Variants in ZBTB11 observed in about 807,000 individuals in gnomAD.
ZBTB11 encodes the protein zinc finger and BTB domain-containing protein 11.
A neutral mutation model predicts 113.1 loss-of-function variants in ZBTB11; 68 were observed. The observed-to-expected ratio is 0.60, with a 90% CI of 0.49 to 0.74. The LOEUF (loss-of-function observed/expected upper bound fraction) is 0.74, where lower values mean the gene tolerates loss of function less well. Ranked by LOEUF, ZBTB11 falls within the 30% of genes least tolerant of loss-of-function variation. The probability of loss-of-function intolerance (pLI) is 0.00; values close to 1 mark genes in which losing one functional copy is unlikely to be tolerated. For missense variants in ZBTB11, 1,104 were observed against 1,279.4 expected (o/e 0.86, Z 2.09); for synonymous variants, 518 against 452.6 (o/e 1.14, Z -1.83).
chr3:101,671,240 T>G lies in ZBTB11; in HGVS notation c.668A>C (p.Glu223Ala), dbSNP rs1303990586. The change falls in exon 3 of 11, where the codon GAA (glutamate) becomes GCA (alanine). Residue 223 changes from glutamate to alanine, a missense_variant. Physicochemically the swap from Glu to Ala is moderately radical, Grantham distance 107. Coordinates refer to ENST00000312938, the MANE Select transcript of ZBTB11 (RefSeq NM_014415.4). ...FCDVTLLIEG[E>A]EYKAHKSVLS... ...AACAGATTTATGAGCTTTGTACTCTTCTCCTTCAATTAACAAAGTAACATC... is the reference window on the plus strand; with the variant it reads ...AACAGATTTATGAGCTTTGTACTCTGCTCCTTCAATTAACAAAGTAACATC... The G allele has an allele frequency of 6.2e-7, 1 of 1,614,168 alleles. No individual in the cohort carries two copies.
intron 5 of ZBTB11, among the ~76,000 whole-genome samples, chr3:101,661,197 G>A (rs1174518899): frequency 2.1e-5 from 3 of 144,702 alleles, no homozygotes; most frequent in Non-Finnish European, 4.5e-5. Flanking sequence ...TAGTGCCACT[G>A]CACTCCAGCC....
At chr3:101,660,528 C>G (rs181092157) in intron 5 of ZBTB11, among the ~76,000 whole-genome samples, 129 of 152,228 alleles carry the variant, frequency 8.5e-4, no homozygotes, top group Non-Finnish European at 1.0e-4. Context: ...CCTGGCCAAC[C>G]ATCTCCACCA....
intron 5 of ZBTB11, among the ~76,000 whole-genome samples, chr3:101,663,528 T>C (rs1277119681): frequency 6.6e-6 from 1 of 152,182 alleles, no homozygotes; most frequent in Non-Finnish European, 1.5e-5. Flanking sequence ...TGTCTTTTGT[T>C]ACTGGGCTTC....
chr3:101,655,167 C>T (rs906996933), intron 7 of ZBTB11, among the ~76,000 whole-genome samples: 5 of 152,134 alleles, frequency 3.3e-5, no homozygotes, highest in African/African-American at 4.8e-5. Context: ...TGAGCCACCA[C>T]GCCTGGCCTT....
intron 6 of ZBTB11, among the ~76,000 whole-genome samples, chr3:101,659,553 C>T (rs1188952224): frequency 6.6e-6 from 1 of 152,042 alleles, no homozygotes; most frequent in African/African-American, 2.4e-5. Context: ...TCCTCTGGAC[C>T]CTAGTAAGTT....
At position 101,651,263 on chromosome 3, in the gene ZBTB11, T is replaced by C; in HGVS notation, c.3065A>G (p.Tyr1022Cys). ...SDQSIMQVVN[Y>C]VLAQQQGQKL... ...CTGTCCTTGCTGTTGTGCTAATACA[T>C]AATTAACCACTTGCATAATACTTTG... Residue 1022 changes from tyrosine (Y) to cysteine (C), a missense_variant, in exon 11 of 11, where the codon TAT becomes TGT. Physicochemically the swap from Tyr to Cys is radical, Grantham distance 194. Around this residue, in one of 5 missense-constraint regions of ZBTB11, gnomAD observed 90 missense variants for 98.0 expected, o/e 0.92. Transcript: ENST00000312938. 3.1e-6 allele frequency: 5 copies of C among 1,614,208 alleles called. No individual in the cohort carries two copies. Among genetic ancestry groups the C allele is most frequent in the Non-Finnish European group, 4.2e-6 (5 of 1,180,040 alleles).
rs1936766361 is a variant in ZBTB11, at chr3:101,654,752, A to T, written c.2261T>A (p.Phe754Tyr). The T allele has an allele frequency of 1.9e-6, 3 of 1,614,070 alleles. No homozygotes were observed. The African/African-American group carries it at 4.0e-5, about 22-fold the overall frequency. Residue 754 changes from phenylalanine to tyrosine, a missense_variant, in exon 8 of 11, where the codon TTC (phenylalanine) becomes TAC (tyrosine). Around this residue, in one of 5 missense-constraint regions of ZBTB11, gnomAD observed 535 missense variants for 518.6 expected, o/e 1.03. Transcript: ENST00000312938. ...FHRGSGLSKH[F>Y]KKHQPKPEVR... is the part of the protein sequence containing the mutation. ...CTCAGGCTTTGGTTGGTGTTTCTTG[A>T]AGTGCTTGCTGAGTCCAGAGCCCCT... is the stretch of plus-strand genomic sequence containing the variant.
intron 6 of ZBTB11, among the ~76,000 whole-genome samples, chr3:101,657,374 C>T (rs1359336501): frequency 3.3e-5 from 5 of 151,476 alleles, no homozygotes; most frequent in South Asian, 4.2e-4. Flanking sequence ...GGCGTGGTGG[C>T]GTGTGCCTGT....
At position 101,664,457 on chromosome 3, in the gene ZBTB11, G is replaced by A. The variant is rs2108322626; in HGVS notation, c.1800+81C>T. On this transcript the variant is annotated intron_variant, in intron 5 of 10. Coordinates refer to ENST00000312938, the MANE Select transcript of ZBTB11 (RefSeq NM_014415.4). ...TAGCCATATAAGACATAGAATACAA[G>A]CGAAAAGATAACCATGCAGTAAGTT... 2.9e-6 allele frequency: 4 copies of A among 1,361,996 alleles called. No homozygotes were observed. The South Asian group carries it at 4.3e-5, about 15-fold the overall frequency. 84.4% of individuals were successfully genotyped at this position (1,361,996 alleles called of 1,614,324 possible). A position where few individuals can be genotyped will look rare whatever the true frequency, so the allele number is the denominator to read the frequency against.
chr3:101,670,445 A>G (rs1157125888), intron 3 of ZBTB11, among the ~76,000 whole-genome samples: 1 of 152,246 alleles, frequency 6.6e-6, no homozygotes, highest in Non-Finnish European at 1.5e-5. Context: ...AAGTTGAACT[A>G]TTTATTTACA....
At chr3:101,652,196 T>C (rs556714869) in intron 10 of ZBTB11, among the ~76,000 whole-genome samples, 1 of 152,330 alleles carries the variant, frequency 6.6e-6, no homozygotes, top group African/African-American at 2.4e-5. Flanking sequence ...CGGACAGATG[T>C]GATTGAGACA....
intron 5 of ZBTB11, 72 bp downstream of exon 5, chr3:101,664,466 T>A: frequency 7.0e-7 from 1 of 1,422,466 alleles, no homozygotes; most frequent in East Asian, 2.3e-5. Flanking sequence ...AGCGAAAAGA[T>A]AACCATGCAG....
Position 101,649,099 on chromosome 3 carries a change from T to TG in ZBTB11, c.*2066dup, listed in dbSNP as rs1457716014. On this transcript the variant is annotated 3_prime_UTR_variant, in exon 11 of 11. Coordinates refer to ENST00000312938, the MANE Select transcript of ZBTB11 (RefSeq NM_014415.4). The stretch of plus-strand genomic sequence containing the variant: ...TCTCTCCTCTGCCGCAACACTCTTC[T>TG]GCTCATGGAGCCTGGGGTTTAGGGT... The TG allele has an allele frequency of 1.3e-5, 2 of 152,280 alleles. No individual in the cohort carries two copies. Among genetic ancestry groups the TG allele is most frequent in the African/African-American group, 4.8e-5 (2 of 41,452 alleles). The allele number at this position is 152,280 out of a possible 1,614,324, so 9.4% of individuals were successfully genotyped here.
intron 5 of ZBTB11, among the ~76,000 whole-genome samples, 198 bp from the exon 6 acceptor site, chr3:101,660,226 A>AC (rs1936865062): frequency 6.6e-6 from 1 of 152,224 alleles, no homozygotes; most frequent in South Asian, 2.1e-4. Flanking sequence ...AAGTCTAACA[A>AC]CAGCACAATA....
chr3:101,671,051 C>G, intron 3 of ZBTB11, 79 bp downstream of exon 3: 2 of 1,196,636 alleles, frequency 1.7e-6, no homozygotes, highest in Non-Finnish European at 2.4e-6. Flanking sequence ...GCATAAAGTC[C>G]GTGTGTGGAA....
intron 2 of ZBTB11, 41 bp downstream of exon 2, chr3:101,671,937 C>G (rs1215825341): frequency 6.7e-7 from 1 of 1,486,434 alleles, no homozygotes; most frequent in African/African-American, 1.4e-5. Flanking sequence ...TACTAGTACA[C>G]TAGTTACAAA....
At chr3:101,676,539 T>TC (rs1937177345) in intron 1 of ZBTB11, 66 bp downstream of exon 1, 1 of 1,418,528 alleles carries the variant, frequency 7.0e-7, no homozygotes, top group African/African-American at 1.5e-5. Context: ...CGCATAGGCC[T>TC]CGCCAGCGAG....
chr3:101,669,830 C>CTT (rs34961780), intron 3 of ZBTB11, among the ~76,000 whole-genome samples: 3 of 141,212 alleles, frequency 2.1e-5, no homozygotes, highest in Non-Finnish European at 3.1e-5. Flanking sequence ...GCTATTAGTG[C>CTT]TTTTTTTTTT....
At chr3:101,676,415 G>T in intron 1 of ZBTB11, 190 bp downstream of exon 1, 1 of 568,522 alleles carries the variant, frequency 1.8e-6, no homozygotes, top group Non-Finnish European at 2.8e-6. Context: ...CCCCAGCTTC[G>T]CCGGCCTCCT....
Sources: gnomAD v4.1 joint callset for allele counts (sites outside exome capture counted in the v4.1 genomes callset) on GRCh38, gnomAD v4.1.1 for gene constraint, gnomAD v4.1.1 regional missense constraint, MANE v1.5 for transcripts, NCBI Gene and HGNC (gene_info 2026-07-23, HGNC 2026-07-21) for gene names.